NAF1: variants seen among roughly 807,000 people sequenced by gnomAD.
NAF1 encodes the protein H/ACA ribonucleoprotein complex non-core subunit NAF1.
NAF1 carries 11 observed loss-of-function variants against 40.6 expected under a neutral mutation model. The observed-to-expected ratio is 0.27, with a 90% CI of 0.17 to 0.45. The LOEUF (loss-of-function observed/expected upper bound fraction) is 0.45. Among genes scored for constraint, NAF1 ranks in the 20% least tolerant of loss-of-function variants. NAF1 has a pLI of 1.00. For synonymous variants in NAF1, 260 were observed against 228.5 expected, an observed-to-expected ratio of 1.14 and a Z score of -1.24; for missense variants, 607 against 611.1, an observed-to-expected ratio of 0.99 and a Z score of 0.07.
chr4:163,107,617 A>T (rs1010235254), downstream of NAF1, among the ~76,000 whole-genome samples: 1 of 152,218 alleles, frequency 6.6e-6, no homozygotes, highest in Non-Finnish European at 1.5e-5. Context: ...TTGCTCGACT[A>T]TTTTAAAAAA....
chr4:163,164,314 G>A lies in NAF1; in HGVS notation c.443C>T (p.Ser148Leu). Residue 148 changes from serine to leucine, a missense_variant, in exon 2 of 8, where the codon TCA becomes TTA. By Grantham distance (145) the Ser-to-Leu change is moderately radical. Transcript: ENST00000274054. ...TCCATCTGACAGCACTGGAGGAAGTGATATACAAGAGGAAGAAGACGACGA... is the reference window on the plus strand; with the variant it reads ...TCCATCTGACAGCACTGGAGGAAGTAATATACAAGAGGAAGAAGACGACGA... ...SSSSSSSSCISLPPVLSDGDD... is the reference protein window; with the variant it reads ...SSSSSSSSCILLPPVLSDGDD... The A allele has an allele frequency of 1.2e-6, 2 of 1,601,988 alleles. No homozygotes were observed. The highest frequency in any genetic ancestry group is 1.1e-5 in the South Asian group (1 of 87,572).
rs138820579 is a variant in NAF1 at position 163,144,125 on chromosome 4, T to C, written c.717+1657A>G. On this transcript the variant is annotated intron_variant, in intron 4 of 7. Transcript: ENST00000274054. ...AGTAAAAATTTCCTACCCACTGATA[T>C]ATGAGAAGGAAACAGATTTCACTAG... The C allele has an allele frequency of 6.9e-3, 3,544 of 514,680 alleles. 19 individuals are homozygous for C. The highest frequency in any genetic ancestry group is 8.1e-3 in the Non-Finnish European group (3,252 of 400,534). 31.9% of individuals were successfully genotyped at this position (514,680 alleles called of 1,614,324 possible).
chr4:163,141,299 G>A (rs1377952485), intron 4 of NAF1, among the ~76,000 whole-genome samples: 1 of 152,150 alleles, frequency 6.6e-6, no homozygotes, highest in Non-Finnish European at 1.5e-5. Context: ...AGGAGGCAGA[G>A]GTTGCAGTGA....
intron 1 of NAF1, among the ~76,000 whole-genome samples, chr4:163,165,295 T>C (rs1732404944): frequency 6.6e-6 from 1 of 152,238 alleles, no homozygotes. Flanking sequence ...TTTTGACTTC[T>C]TCAAATATTT....
At chr4:163,115,717 G>A (rs1027469429) in intron 2 of NAF1, among the ~76,000 whole-genome samples, 11 of 152,122 alleles carry the variant, frequency 7.2e-5, no homozygotes, top group African/African-American at 2.7e-4. Flanking sequence ...TGATTTAAAT[G>A]AGTAAACAGG....
At chr4:163,145,952 T>A in intron 3 of NAF1, 88 bp from the exon 4 acceptor site, 2 of 722,238 alleles carry the variant, frequency 2.8e-6, no homozygotes, top group Non-Finnish European at 2.2e-6. Flanking sequence ...CCAACATAAT[T>A]TAAAAAAAAA....
intron 2 of NAF1, among the ~76,000 whole-genome samples, chr4:163,149,579 T>C (rs951017347): frequency 1.1e-4 from 17 of 152,168 alleles, no homozygotes; most frequent in Non-Finnish European, 4.4e-5. Flanking sequence ...GTCAGCAACA[T>C]GCCTTTGTAT....
At chr4:163,154,681 G>T (rs1731897096) in intron 2 of NAF1, among the ~76,000 whole-genome samples, 1 of 152,000 alleles carries the variant, frequency 6.6e-6, no homozygotes, top group South Asian at 2.1e-4. Flanking sequence ...GACCAGCCTG[G>T]CCAACATGAT....
chr4:163,143,919 T>C (rs1164667769), intron 4 of NAF1: 3 of 552,510 alleles, frequency 5.4e-6, no homozygotes, highest in Non-Finnish European at 4.6e-6. Context: ...TCTAATCTAT[T>C]AGTTAGGCAA....
In NAF1 at chr4:163,128,761, A is replaced by G; in HGVS notation, c.*136T>C. ...AATTTCACAAAGGTTACAAATATAT[A>G]TCAACTTACAACAGAAGGAATCATT... On this transcript the variant is annotated 3_prime_UTR_variant, in exon 8 of 8. Transcript: ENST00000274054. 1 of 1,208,872 alleles carries G rather than the reference A, an allele frequency of 8.3e-7. No homozygotes were observed. Among genetic ancestry groups the G allele is most frequent in the Non-Finnish European group, 1.1e-6 (1 of 928,480 alleles). 74.9% of individuals were successfully genotyped at this position (1,208,872 alleles called of 1,614,324 possible). A position where few individuals can be genotyped will look rare whatever the true frequency, so the allele number is the denominator to read the frequency against.
At chr4:163,145,965 G>A in intron 3 of NAF1, 101 bp from the exon 4 acceptor site, 1 of 652,392 alleles carries the variant, frequency 1.5e-6, no homozygotes, top group South Asian at 2.2e-5. Context: ...AAAAAAAATT[G>A]AAGGTGGGAT....
chr4:163,138,179 GT>G (rs1183509864), intron 5 of NAF1, among the ~76,000 whole-genome samples: 1 of 152,062 alleles, frequency 6.6e-6, no homozygotes, highest in African/African-American at 2.4e-5. Context: ...ACAGATGTCA[GT>G]TTGCTGGCAC....
intron 4 of NAF1, 36 bp downstream of exon 4, chr4:163,145,746 T>C (rs143228002): frequency 3.0e-6 from 4 of 1,316,020 alleles, no homozygotes; most frequent in Non-Finnish European, 4.3e-6. Flanking sequence ...AATAAATAAA[T>C]AGAATAATTT....
At chr4:163,107,377 C>G (rs549940252), downstream of NAF1, among the ~76,000 whole-genome samples, 17 of 152,198 alleles carry the variant, frequency 1.1e-4, no homozygotes, top group African/African-American at 3.6e-4. Context: ...CTGAGAGCAG[C>G]CTGTGCTCAG....
At chr4:163,142,201 T>A (rs933286790) in intron 4 of NAF1, among the ~76,000 whole-genome samples, 1 of 152,230 alleles carries the variant, frequency 6.6e-6, no homozygotes, top group African/African-American at 2.4e-5. Flanking sequence ...ACATGACATA[T>A]ATTATTGTAG....
At chr4:163,109,562 T>C (rs1367108730), downstream of NAF1, among the ~76,000 whole-genome samples, 1 of 152,198 alleles carries the variant, frequency 6.6e-6, no homozygotes, top group African/African-American at 2.4e-5. Context: ...AGGTTAATAA[T>C]GTATTCAAAG....
chr4:163,108,913 T>C (rs1217855215), downstream of NAF1: 1 of 152,122 alleles, frequency 6.6e-6, no homozygotes, highest in African/African-American at 2.4e-5. Flanking sequence ...TTCAGGTGAG[T>C]TTCTTACAAG....
intron 4 of NAF1, among the ~76,000 whole-genome samples, chr4:163,144,498 T>G (rs2110954455): frequency 6.6e-6 from 1 of 152,312 alleles, no homozygotes; most frequent in East Asian, 1.9e-4. Context: ...ATGCTAATAA[T>G]CTAAAAGGTA....
At chr4:163,122,189 T>C (rs1232242972), downstream of NAF1, among the ~76,000 whole-genome samples, 1 of 152,232 alleles carries the variant, frequency 6.6e-6, no homozygotes, top group Non-Finnish European at 1.5e-5. Context: ...TTCCAATACC[T>C]GAGAATTTTA....
Sources: allele counts gnomAD v4.1 joint callset (sites outside exome capture counted in the v4.1 genomes callset), GRCh38; gene constraint gnomAD v4.1.1; transcripts MANE v1.5; gene names NCBI Gene and HGNC (gene_info 2026-07-23, HGNC 2026-07-21).